Variants in ASTN1 observed in about 807,000 individuals in gnomAD.
ASTN1 encodes the protein astrotactin-1.
A neutral mutation model predicts 140.7 loss-of-function variants in ASTN1; 41 were observed. The ratio of observed to expected loss-of-function variants is 0.29; its 90% CI spans 0.23 to 0.38. The LOEUF is 0.38. ASTN1 is among the 10% of genes least tolerant of loss of function. The pLI is 1.00. For synonymous variants in ASTN1, 640 were observed against 652.2 expected (o/e 0.98, Z 0.29); for missense variants, 1,479 against 1,678.8 (o/e 0.88, Z 2.08).
intron 1 of ASTN1, among the ~76,000 whole-genome samples, chr1:177,143,646 A>G (rs1486715630): frequency 6.6e-6 from 1 of 152,134 alleles, no homozygotes; most frequent in Non-Finnish European, 1.5e-5. Context: ...AATGAAAGTC[A>G]CTTTTATGTT....
At chr1:176,955,991 G>A (rs2103126797) in intron 11 of ASTN1, among the ~76,000 whole-genome samples, 1 of 152,308 alleles carries the variant, frequency 6.6e-6, no homozygotes, top group Middle Eastern at 3.4e-3. Context: ...TTTTAAAAGT[G>A]TCTCAGCTGG....
Position 176,876,549 on chromosome 1 carries a change from C to T in ASTN1, c.3451G>A (p.Val1151Ile). 1.2e-6 allele frequency: 2 copies of T among 1,614,184 alleles called. No individual in the cohort carries two copies. The highest frequency in any genetic ancestry group is 1.7e-6 in the Non-Finnish European group (2 of 1,180,010). Reference sequence around the variant, plus strand: ...CGATGTCTCTTACCTTGAGCCTTGACATCATCCACCACGGGGCATGGGGTC... The same window carrying T: ...CGATGTCTCTTACCTTGAGCCTTGATATCATCCACCACGGGGCATGGGGTC... ...VKTPCPVVDD[V>I]KAQEIADKIY... Residue 1151 changes from valine to isoleucine, a missense_variant, in exon 21 of 23, where the codon GTC becomes ATC. Val to Ile is a conservative substitution (Grantham distance 29, BLOSUM62 3). Coordinates refer to ENST00000361833, the MANE Select transcript of ASTN1 (RefSeq NM_004319.3).
chr1:176,926,166 A>T (rs1670959736), intron 16 of ASTN1, among the ~76,000 whole-genome samples: 1 of 151,912 alleles, frequency 6.6e-6, no homozygotes, highest in Non-Finnish European at 1.5e-5. Context: ...CATGCACATC[A>T]TTTAAGCTCT....
intron 1 of ASTN1, among the ~76,000 whole-genome samples, chr1:177,137,996 G>T (rs1177826945): frequency 2.0e-5 from 3 of 152,156 alleles, no homozygotes; most frequent in Admixed American, 2.0e-4. Flanking sequence ...ACCAAGGGCA[G>T]GAAATACGGC....
rs567382392 is a variant in ASTN1 at position 177,043,910 on chromosome 1, C to T, written c.472-11061G>A. Among the ~76,000 whole-genome samples, 32 of 152,196 alleles carry T rather than the reference C, an allele frequency of 2.1e-4. 1 individual carries two copies. The highest frequency in any genetic ancestry group is 2.1e-3 in the South Asian group (10 of 4,810). ...TGGGGCCCCACACCGAGTGCTGTGG[C>T]TCTTATTTCTCCCTCTTTAAAAAAT... On this transcript the variant is annotated intron_variant, in intron 2 of 22. Coordinates refer to ENST00000361833, the MANE Select transcript of ASTN1 (RefSeq NM_004319.3).
chr1:177,002,192 C>T (rs1475018729), intron 8 of ASTN1, among the ~76,000 whole-genome samples: 1 of 152,044 alleles, frequency 6.6e-6, no homozygotes, highest in Admixed American at 6.6e-5. Flanking sequence ...GAAAACCACA[C>T]AGAAAGGTTA....
intron 1 of ASTN1, among the ~76,000 whole-genome samples, chr1:177,101,352 T>A (rs964198209): frequency 5.9e-5 from 9 of 152,190 alleles, no homozygotes; most frequent in African/African-American, 2.2e-4. Flanking sequence ...ATTCACACAA[T>A]GAAATGCTAT....
chr1:177,145,829 C>T (rs925360295), intron 1 of ASTN1, among the ~76,000 whole-genome samples: 1 of 152,184 alleles, frequency 6.6e-6, no homozygotes, highest in Non-Finnish European at 1.5e-5. Context: ...ACATGCAAGA[C>T]AATTAATTCT....
intron 22 of ASTN1, 89 bp downstream of exon 22, chr1:176,868,755 C>G (rs897218554): frequency 1.2e-4 from 158 of 1,366,796 alleles, no homozygotes; most frequent in Non-Finnish European, 1.5e-4. Flanking sequence ...TCCAGGAAAT[C>G]TCTACAACTT....
chr1:176,866,663 A>C (rs1668135823), intron 22 of ASTN1, among the ~76,000 whole-genome samples: 1 of 152,100 alleles, frequency 6.6e-6, no homozygotes, highest in Non-Finnish European at 1.5e-5. Flanking sequence ...AAATAATAAT[A>C]ATTAATTTGG....
chr1:177,067,808 A>G (rs1293951824), intron 1 of ASTN1, among the ~76,000 whole-genome samples: 2 of 152,164 alleles, frequency 1.3e-5, no homozygotes, highest in Non-Finnish European at 2.9e-5. Flanking sequence ...GATGAGGGAC[A>G]GATGAAAAAC....
intron 11 of ASTN1, among the ~76,000 whole-genome samples, chr1:176,952,046 G>T (rs1028355336): frequency 1.3e-5 from 2 of 152,118 alleles, no homozygotes; most frequent in African/African-American, 4.8e-5. Context: ...AAGCATGTGT[G>T]TTTTCCATCT....
intron 14 of ASTN1, among the ~76,000 whole-genome samples, chr1:176,941,639 C>T (rs1002094221): frequency 6.6e-6 from 1 of 152,200 alleles, no homozygotes; most frequent in Non-Finnish European, 1.5e-5. Flanking sequence ...TGATGTTTCT[C>T]AGCTTTATCC....
chr1:177,014,768 T>A (rs764587248), intron 8 of ASTN1, 23 bp downstream of exon 8: 2 of 1,596,240 alleles, frequency 1.3e-6, no homozygotes, highest in African/African-American at 2.7e-5. Context: ...GGGAACCAGC[T>A]AAGTCGTCAT....
chr1:177,006,743 C>T (rs1217577549), intron 8 of ASTN1, among the ~76,000 whole-genome samples: 1 of 152,082 alleles, frequency 6.6e-6, no homozygotes, highest in Admixed American at 6.6e-5. Context: ...TCTCTTGGTG[C>T]CGTGACTGGA....
rs1399717703 is a variant in ASTN1, at chr1:176,957,825, C to T, written c.1740G>A (p.Glu580=). ...CGAAGGAGGATGAAGTCATCAGCTC[C>T]TCTCTGTGGGGAGAAAGAGTGGGAA... ...TVMEDAVEVR[E]ELMTSSSFDS... The change falls in exon 11 of 23, where the codon GAG becomes GAA. Residue 580 remains glutamate, a synonymous_variant. Transcript: ENST00000361833. 1 of 1,613,630 alleles carries T rather than the reference C, an allele frequency of 6.2e-7. No homozygotes were observed. The highest frequency in any genetic ancestry group is 2.2e-5 in the East Asian group (1 of 44,844).
At chr1:177,033,254 T>C (rs1411899684) in intron 2 of ASTN1, among the ~76,000 whole-genome samples, 1 of 152,008 alleles carries the variant, frequency 6.6e-6, no homozygotes, top group African/African-American at 2.4e-5. Flanking sequence ...TTTTTAGCAA[T>C]ATGGGGTGAC....
At chr1:177,145,213 A>G (rs140853431) in intron 1 of ASTN1, among the ~76,000 whole-genome samples, 1 of 152,310 alleles carries the variant, frequency 6.6e-6, no homozygotes, top group East Asian at 1.9e-4. Flanking sequence ...GCTGTCTTAA[A>G]GTAGCTCATA....
intron 1 of ASTN1, 26 bp from the exon 2 acceptor site, chr1:177,061,291 G>C: frequency 3.4e-6 from 5 of 1,474,992 alleles, no homozygotes; most frequent in Non-Finnish European, 4.5e-6. Flanking sequence ...CAAAGGCACA[G>C]GTGAGAATTA....
Sources: gnomAD v4.1 joint callset for allele counts (sites outside exome capture counted in the v4.1 genomes callset) on GRCh38, gnomAD v4.1.1 for gene constraint, MANE v1.5 for transcripts, NCBI Gene and HGNC (gene_info 2026-07-23, HGNC 2026-07-21) for gene names.